Variants in PIK3CG observed in about 807,000 individuals in gnomAD.
PIK3CG encodes phosphatidylinositol 4,5-bisphosphate 3-kinase catalytic subunit gamma isoform.
PIK3CG carries 55 observed loss-of-function variants against 102.3 expected under a neutral mutation model. The ratio of observed to expected loss-of-function variants is 0.54; its 90% CI spans 0.43 to 0.67. The LOEUF (loss-of-function observed/expected upper bound fraction) is 0.67, where lower values mean the gene tolerates loss of function less well. Among genes scored for constraint, PIK3CG ranks in the 30% least tolerant of loss-of-function variants. The probability of loss-of-function intolerance (pLI) is 0.00; values close to 1 mark genes in which losing one functional copy is unlikely to be tolerated. For missense variants in PIK3CG, 1,258 were observed against 1,391.8 expected, an observed-to-expected ratio of 0.90 and a Z score of 1.53; for synonymous variants, 552 against 540.0, an observed-to-expected ratio of 1.02 and a Z score of -0.31.
Position 106,895,134 on chromosome 7 carries a change from T to A in PIK3CG, c.3030+8842T>A, listed in dbSNP as rs1791372934. On this transcript the variant is annotated intron_variant, in intron 10 of 10. Transcript: ENST00000496166. This position sits in a 1 kb window ranked among gnomAD's most constrained non-coding sequence, Gnocchi z 5.4. ...AATAATGTAATGTTCCCCACATTTG[T>A]AGTCATTAACAAGTGCATTAAACCA... Among the ~76,000 whole-genome samples, 1 of 152,234 alleles carries A rather than the reference T, an allele frequency of 6.6e-6. No homozygotes were observed. The highest frequency in any genetic ancestry group is 2.4e-5 in the African/African-American group (1 of 41,462).
chr7:106,871,917 G>T (rs546177800), intron 2 of PIK3CG, among the ~76,000 whole-genome samples: 1 of 152,238 alleles, frequency 6.6e-6, no homozygotes, highest in South Asian at 2.1e-4. Context: ...AGGGACTTTT[G>T]GACAGAAAGC....
rs187167151 is a variant in PIK3CG, at chr7:106,867,491, G to A, written c.-12-59G>A. Reference sequence around the variant, plus strand: ...TACCTCCTCTTCCCTCATCTCACCAGAAAATATAAGGGGAAAGTGCCTTTC... The same window carrying A: ...TACCTCCTCTTCCCTCATCTCACCAAAAAATATAAGGGGAAAGTGCCTTTC... On this transcript the variant is annotated intron_variant, in intron 1 of 10. Coordinates refer to ENST00000496166, the MANE Select transcript of PIK3CG (RefSeq NM_001282426.2). The surrounding 1 kb of genome is among the most constrained non-coding windows in gnomAD (Gnocchi z 5.1). 839 of 1,468,236 alleles carry A rather than the reference G, an allele frequency of 5.7e-4. 6 individuals carry two copies. In the African/African-American group the frequency reaches 0.011, roughly 19 times the overall value. 91.0% of individuals were successfully genotyped at this position (1,468,236 alleles called of 1,614,324 possible).
rs1410398493 is a variant in PIK3CG at position 106,897,115 on chromosome 7, T to C, written c.3031-7994T>C. 1.3e-5 allele frequency among the ~76,000 whole-genome samples: 2 copies of C among 152,258 alleles called. No individual in the cohort carries two copies. The highest frequency in any genetic ancestry group is 2.9e-5 in the Non-Finnish European group (2 of 68,048). On this transcript the variant is annotated intron_variant, in intron 10 of 10. Transcript: ENST00000496166. The surrounding 1 kb of genome is among the most constrained non-coding windows in gnomAD (Gnocchi z 4.6). ...ATTAAATATCCTTCTACAGTATCTT[T>C]CTAGTAGTTCCAGGACATGCAATTT...
Position 106,874,350 on chromosome 7 carries a change from T to C in PIK3CG, c.2288-350T>C, listed in dbSNP as rs138099622. Among the ~76,000 whole-genome samples, 22 of 152,334 alleles carry C rather than the reference T, an allele frequency of 1.4e-4. No individual in the cohort carries two copies. The highest frequency in any genetic ancestry group is 5.3e-4 in the African/African-American group (22 of 41,586). On this transcript the variant is annotated intron_variant, in intron 4 of 10. Transcript: ENST00000496166. The surrounding 1 kb of genome is among the most constrained non-coding windows in gnomAD (Gnocchi z 4.3). ...CCTCAAATCAGATGGTAGTTTAAAG[T>C]TTAATGTGCTGGAAAGAAAACTACA...
At chr7:106,876,337 A>T (rs1790737557) in intron 5 of PIK3CG, among the ~76,000 whole-genome samples, 1 of 151,552 alleles carries the variant, frequency 6.6e-6, no homozygotes, top group Non-Finnish European at 1.5e-5. Context: ...CCATTAGAGT[A>T]CATTCTTCTG....
intron 10 of PIK3CG, among the ~76,000 whole-genome samples, chr7:106,896,047 T>C (rs924829647): frequency 2.6e-5 from 4 of 152,188 alleles, no homozygotes; most frequent in Non-Finnish European, 5.9e-5. Flanking sequence ...GGGGAAGAAA[T>C]TTCTTTCTCA....
In PIK3CG at chr7:106,867,763, G is replaced by A. The variant is rs770811999; in HGVS notation, c.202G>A (p.Glu68Lys). The A allele has an allele frequency of 1.2e-5, 19 of 1,612,900 alleles. No homozygotes were observed. The highest frequency in any genetic ancestry group is 1.6e-4 in the Middle Eastern group (1 of 6,082). The part of the protein sequence containing the change: ...LLHVAGHGNV[E>K]QMKAQVWLRA... Reference sequence around the variant, plus strand: ...GCACGTGGCCGGCCACGGCAACGTGGAGCAGATGAAGGCCCAGGTGTGGCT... The same window carrying A: ...GCACGTGGCCGGCCACGGCAACGTGAAGCAGATGAAGGCCCAGGTGTGGCT... The change falls in exon 2 of 11, where the codon GAG (glutamate) becomes AAG (lysine). Residue 68 changes from glutamate (E) to lysine (K), a missense_variant. Coordinates refer to ENST00000496166, the MANE Select transcript of PIK3CG (RefSeq NM_001282426.2). This position sits in a 1 kb window ranked among gnomAD's most constrained non-coding sequence, Gnocchi z 5.1.
chr7:106,874,469 G>C lies in PIK3CG; in HGVS notation c.2288-231G>C, dbSNP rs1356925594. Among the ~76,000 whole-genome samples, 1 of 152,106 alleles carries C rather than the reference G, an allele frequency of 6.6e-6. No individual in the cohort carries two copies. Among genetic ancestry groups the C allele is most frequent in the Non-Finnish European group, 1.5e-5 (1 of 68,042 alleles). ...ATCCCACATATATTCACATATTTCTGTCCCCTGTTGTAGTATGTGTACATG... is the reference window on the plus strand; with the variant it reads ...ATCCCACATATATTCACATATTTCTCTCCCCTGTTGTAGTATGTGTACATG... On this transcript the variant is annotated intron_variant, in intron 4 of 10. Transcript: ENST00000496166. This position sits in a 1 kb window ranked among gnomAD's most constrained non-coding sequence, Gnocchi z 4.3.
rs1791431013 is a variant in PIK3CG, at chr7:106,897,188, A to G, written c.3031-7921A>G. On this transcript the variant is annotated intron_variant, in intron 10 of 10. Transcript: ENST00000496166. The surrounding 1 kb of genome is among the most constrained non-coding windows in gnomAD (Gnocchi z 4.6). ...TTTTATCAGTCCCCTATTGTAGGAC[A>G]TTATTAATAGATTGCTTTCAAGTTT... Among the ~76,000 whole-genome samples the G allele has an allele frequency of 6.6e-6, 1 of 152,160 alleles. No individual in the cohort carries two copies. The highest frequency in any genetic ancestry group is 1.5e-5 in the Non-Finnish European group (1 of 68,020).
Position 106,892,898 on chromosome 7 carries a change from C to A in PIK3CG, c.3030+6606C>A, listed in dbSNP as rs1261111783. Among the ~76,000 whole-genome samples, 1 of 152,102 alleles carries A rather than the reference C, an allele frequency of 6.6e-6. No individual in the cohort carries two copies. The highest frequency in any genetic ancestry group is 1.9e-4 in the East Asian group (1 of 5,190). ...GCAAGTGCATGAAGTTAGAAAAGTA[C>A]ATACAATCAGTATTTAGGAACAAGA... On this transcript the variant is annotated intron_variant, in intron 10 of 10. Coordinates refer to ENST00000496166, the MANE Select transcript of PIK3CG (RefSeq NM_001282426.2). This position sits in a 1 kb window ranked among gnomAD's most constrained non-coding sequence, Gnocchi z 5.2.
At position 106,868,229 on chromosome 7, in the gene PIK3CG, TC is replaced by T. The variant is rs775604719; in HGVS notation, c.669del (p.Ile224PhefsTer35). ...KKIANNCIFI[V>X]IHRSTTSQTI... ...ATTGCCAACAACTGCATCTTCATCG[TC>T]ATTCACCGCAGCACCACCAGCCAGA... On this transcript the variant is annotated frameshift_variant, in exon 2 of 11. Coordinates refer to ENST00000496166, the MANE Select transcript of PIK3CG (RefSeq NM_001282426.2). LOFTEE classifies it high-confidence loss of function. This position sits in a 1 kb window ranked among gnomAD's most constrained non-coding sequence, Gnocchi z 6.2. 1.3e-5 allele frequency: 21 copies of T among 1,612,706 alleles called. No homozygotes were observed. Among genetic ancestry groups the T allele is most frequent in the Non-Finnish European group, 1.7e-6 (2 of 1,180,014 alleles).
rs2116522312 is a variant in PIK3CG at position 106,879,544 on chromosome 7, C to T, written c.2417C>T (p.Ser806Phe). The change falls in exon 6 of 11, where the codon TCC becomes TTC. Residue 806 changes from serine (S) to phenylalanine (F), a missense_variant. Physicochemically the swap from Ser to Phe is radical, Grantham distance 155. Around this residue, in one of 2 missense-constraint regions of PIK3CG, gnomAD observed 426 missense variants for 604.2 expected, o/e 0.71. Transcript: ENST00000496166. This position sits in a 1 kb window ranked among gnomAD's most constrained non-coding sequence, Gnocchi z 4.9. ...ATTGAAAAATGTAAAGTAATGGCCT[C>T]CAAGAAAAAACCACTATGGCTTGAG... ...LAIEKCKVMA[S>F]KKKPLWLEFK... The T allele has an allele frequency of 6.2e-7, 1 of 1,613,612 alleles. No homozygotes were observed. Among genetic ancestry groups the T allele is most frequent in the Non-Finnish European group, 8.5e-7 (1 of 1,179,694 alleles).
intron 10 of PIK3CG, among the ~76,000 whole-genome samples, chr7:106,900,981 C>G (rs1190880080): frequency 6.6e-6 from 1 of 152,168 alleles, no homozygotes; most frequent in Non-Finnish European, 1.5e-5. Context: ...CTCTAGCTAC[C>G]TTTAACATTC....
chr7:106,868,412 A>C lies in PIK3CG; in HGVS notation c.851A>C (p.Glu284Ala), dbSNP rs1790396452. 6.2e-7 allele frequency: 1 copy of C among 1,614,124 alleles called. No individual in the cohort carries two copies. The highest frequency in any genetic ancestry group is 1.7e-5 in the Admixed American group (1 of 60,012). ...GGCCGGGATGAGTACCTGGTGGGCGAAACGCCCATCAAAAACTTCCAGTGG... is the reference window on the plus strand; with the variant it reads ...GGCCGGGATGAGTACCTGGTGGGCGCAACGCCCATCAAAAACTTCCAGTGG... ...VCGRDEYLVGETPIKNFQWVR... is the reference protein window; with the variant it reads ...VCGRDEYLVGATPIKNFQWVR... Residue 284 changes from glutamate to alanine, a missense_variant, in exon 2 of 11, where the codon GAA becomes GCA. Glu to Ala is a moderately radical substitution (Grantham distance 107). Transcript: ENST00000496166. The surrounding 1 kb of genome is among the most constrained non-coding windows in gnomAD (Gnocchi z 6.2).
Position 106,867,742 on chromosome 7 carries a change from G to T in PIK3CG, c.181G>T (p.Val61Leu), listed in dbSNP as rs2116420690. Residue 61 changes from valine (V) to leucine (L), a missense_variant, in exon 2 of 11, where the codon GTG (valine) becomes TTG (leucine). Coordinates refer to ENST00000496166, the MANE Select transcript of PIK3CG (RefSeq NM_001282426.2). This position sits in a 1 kb window ranked among gnomAD's most constrained non-coding sequence, Gnocchi z 5.1. Reference protein sequence around the residue: ...CKSPETALLHVAGHGNVEQMK... With the variant: ...CKSPETALLHLAGHGNVEQMK... ...GAGCCCCGAAACGGCGCTGCTGCACGTGGCCGGCCACGGCAACGTGGAGCA... is the reference window on the plus strand; with the variant it reads ...GAGCCCCGAAACGGCGCTGCTGCACTTGGCCGGCCACGGCAACGTGGAGCA... The T allele has an allele frequency of 6.2e-7, 1 of 1,612,972 alleles. No individual in the cohort carries two copies. The highest frequency in any genetic ancestry group is 2.2e-5 in the East Asian group (1 of 44,864).
rs764518673 is a variant in PIK3CG, at chr7:106,869,533, C to T, written c.1972C>T (p.His658Tyr). ...GAGCTTGGAGGACGATGATGTTCTG[C>T]ATTACCTTCTACAATTGGTCCAGGT... ...LESLEDDDVL[H>Y]YLLQLVQAVK... is the part of the protein sequence containing the mutation. The change falls in exon 2 of 11, where the codon CAT (histidine) becomes TAT (tyrosine). Residue 658 changes from histidine to tyrosine, a missense_variant. Physicochemically the swap from His to Tyr is moderately conservative, Grantham distance 83 (BLOSUM62 2). Transcript: ENST00000496166. The surrounding 1 kb of genome is among the most constrained non-coding windows in gnomAD (Gnocchi z 5.3). 1 of 1,610,966 alleles carries T rather than the reference C, an allele frequency of 6.2e-7. No homozygotes were observed. The highest frequency in any genetic ancestry group is 8.5e-7 in the Non-Finnish European group (1 of 1,178,018).
chr7:106,888,083 C>T lies in PIK3CG; in HGVS notation c.3030+1791C>T, dbSNP rs143241042. Reference sequence around the variant, plus strand: ...AGCCTCCAGAGTAGCTGGGACTACACGTCCGTGCCACCATGCCTGGCTAAT... The same window carrying T: ...AGCCTCCAGAGTAGCTGGGACTACATGTCCGTGCCACCATGCCTGGCTAAT... On this transcript the variant is annotated intron_variant, in intron 10 of 10. Coordinates refer to ENST00000496166, the MANE Select transcript of PIK3CG (RefSeq NM_001282426.2). Among the ~76,000 whole-genome samples the T allele has an allele frequency of 4.4e-3, 661 of 151,490 alleles. 1 individual carries two copies. Among genetic ancestry groups the T allele is most frequent in the South Asian group, 0.014 (68 of 4,782 alleles).
Position 106,879,359 on chromosome 7 carries a change from C to G in PIK3CG, c.2392-160C>G, listed in dbSNP as rs1790865465. On this transcript the variant is annotated intron_variant, in intron 5 of 10. Transcript: ENST00000496166. This position sits in a 1 kb window ranked among gnomAD's most constrained non-coding sequence, Gnocchi z 4.9. Reference sequence around the variant, plus strand: ...CTCACATGGCATTTCCAGATTTGCTCAAAACAACTTCTGTATTTTTACCCA... The same window carrying G: ...CTCACATGGCATTTCCAGATTTGCTGAAAACAACTTCTGTATTTTTACCCA... 6.6e-6 allele frequency among the ~76,000 whole-genome samples: 1 copy of G among 152,114 alleles called. No individual in the cohort carries two copies. Among genetic ancestry groups the G allele is most frequent in the Non-Finnish European group, 1.5e-5 (1 of 68,028 alleles).
intron 5 of PIK3CG, among the ~76,000 whole-genome samples, chr7:106,876,375 G>A (rs2116508091): frequency 6.8e-6 from 1 of 148,104 alleles, no homozygotes; most frequent in South Asian, 2.1e-4. Context: ...TATTTCACCA[G>A]TTTTTTAGGT....
Sources: gnomAD v4.1 joint callset for allele counts (sites outside exome capture counted in the v4.1 genomes callset) on GRCh38, gnomAD v4.1.1 for gene constraint, gnomAD v4.1.1 regional missense constraint, Gnocchi (gnomAD v3.1) non-coding constraint, MANE v1.5 for transcripts, NCBI Gene and HGNC (gene_info 2026-07-23, HGNC 2026-07-21) for gene names.